The following UBASH3B variants were observed in gnomAD, a reference collection of about 807,000 sequenced individuals.
UBASH3B encodes the protein ubiquitin associated and SH3 domain containing B, also known as ubiquitin-associated and SH3 domain-containing protein B.
Under a neutral mutation model 83.4 loss-of-function variants are expected in UBASH3B, and 37 were observed. That is an observed-to-expected ratio of 0.44 (90% confidence interval 0.34 to 0.58). UBASH3B has a LOEUF of 0.58. Ranked by LOEUF, UBASH3B falls within the 20% of genes least tolerant of loss-of-function variation. The pLI is 0.01. For missense variants in UBASH3B, 657 were observed against 827.2 expected (o/e 0.79, Z 2.52); for synonymous variants, 304 against 318.3 (o/e 0.96, Z 0.48).
intron 1 of UBASH3B, among the ~76,000 whole-genome samples, chr11:122,688,504 A>G (rs1335518484): frequency 2.0e-5 from 3 of 147,292 alleles, no homozygotes; most frequent in Admixed American, 6.8e-5. Context: ...GGAGAGCAGT[A>G]GTGCAATCTC....
intron 1 of UBASH3B, among the ~76,000 whole-genome samples, chr11:122,695,590 C>CT (rs939008718): frequency 7.2e-5 from 11 of 152,040 alleles, no homozygotes; most frequent in African/African-American, 2.4e-4. Flanking sequence ...GTTTTCTTTC[C>CT]TTTTTTTTCT....
At chr11:122,769,884 T>G (rs1860613125) in intron 1 of UBASH3B, among the ~76,000 whole-genome samples, 1 of 152,236 alleles carries the variant, frequency 6.6e-6, no homozygotes, top group Non-Finnish European at 1.5e-5. Flanking sequence ...TAGGTCATCT[T>G]TTAATTGAAT....
At chr11:122,782,790 T>C (rs1312448754) in intron 4 of UBASH3B, 4 of 381,984 alleles carry the variant, frequency 1.0e-5, no homozygotes, top group African/African-American at 2.0e-5. Context: ...AGGACTTAAC[T>C]AAAAGGACTG....
Position 122,813,711 on chromosome 11 carries a change from T to C in UBASH3B, c.*3825T>C, listed in dbSNP as rs1565279442. The C allele has an allele frequency of 6.6e-6, 1 of 152,204 alleles. No homozygotes were observed. The highest frequency in any genetic ancestry group is 1.5e-5 in the Non-Finnish European group (1 of 68,028). 9.4% of individuals were successfully genotyped at this position (152,204 alleles called of 1,614,324 possible). On this transcript the variant is annotated 3_prime_UTR_variant, in exon 14 of 14. Transcript: ENST00000284273. ...GCGATTTAACATCTATTTAGGTTAATGTTCACTTTACAAAGGTGATGGGGG... is the reference window on the plus strand; with the variant it reads ...GCGATTTAACATCTATTTAGGTTAACGTTCACTTTACAAAGGTGATGGGGG...
chr11:122,747,866 GAGCTATTTAACCTTTCAA>G (rs775447568), intron 1 of UBASH3B, among the ~76,000 whole-genome samples: 16 of 152,164 alleles, frequency 1.1e-4, no homozygotes, highest in Non-Finnish European at 1.9e-4. Flanking sequence ...TCCCTTGAGT[GAGCTATTTAACCTTTCAA>G]AGCCTCTGTT....
At chr11:122,792,751 C>T (rs373892925) in intron 6 of UBASH3B, among the ~76,000 whole-genome samples, 61 of 152,324 alleles carry the variant, frequency 4.0e-4, no homozygotes, top group Middle Eastern at 3.4e-3. Flanking sequence ...TTTACTGTAA[C>T]AGGTTTCACT....
intron 1 of UBASH3B, among the ~76,000 whole-genome samples, chr11:122,730,439 C>A (rs1860823138): frequency 6.6e-6 from 1 of 152,164 alleles, no homozygotes; most frequent in South Asian, 2.1e-4. Context: ...ATTCATGTTG[C>A]CAGACCATCT....
intron 1 of UBASH3B, among the ~76,000 whole-genome samples, chr11:122,691,329 CT>C (rs1863893370): frequency 6.6e-6 from 1 of 152,216 alleles, no homozygotes; most frequent in Non-Finnish European, 1.5e-5. Context: ...TTGAAGCTGG[CT>C]TTTGTAGGTT....
chr11:122,767,266 CAAA>C (rs202221314), intron 1 of UBASH3B, among the ~76,000 whole-genome samples: 11 of 140,850 alleles, frequency 7.8e-5, no homozygotes, highest in Admixed American at 1.4e-4. Context: ...GACTCCGTCT[CAAA>C]AAAAAAAAAA....
chr11:122,663,177 A>G (rs1863469047), intron 1 of UBASH3B, among the ~76,000 whole-genome samples: 1 of 152,034 alleles, frequency 6.6e-6, no homozygotes, highest in South Asian at 2.1e-4. Flanking sequence ...TGATTTCACC[A>G]TGTTGCCCAG....
intron 1 of UBASH3B, among the ~76,000 whole-genome samples, chr11:122,746,570 A>G (rs577137704): frequency 2.3e-4 from 35 of 152,264 alleles, no homozygotes; most frequent in African/African-American, 8.2e-4. Flanking sequence ...TCTAATGGAG[A>G]AGAATGCTTC....
chr11:122,790,775 C>T (rs943773670), intron 6 of UBASH3B, among the ~76,000 whole-genome samples: 10 of 151,528 alleles, frequency 6.6e-5, no homozygotes, highest in African/African-American at 1.5e-4. Context: ...GGTGAAACCG[C>T]GTCTCTACCA....
intron 1 of UBASH3B, among the ~76,000 whole-genome samples, chr11:122,749,205 C>G (rs1312562551): frequency 6.6e-6 from 1 of 152,256 alleles, no homozygotes; most frequent in Non-Finnish European, 1.5e-5. Context: ...GAATCATGTA[C>G]TGCATGTCTT....
Position 122,801,216 on chromosome 11 carries a change from C to G in UBASH3B, c.1479C>G (p.Ile493Met). The G allele has an allele frequency of 6.2e-7, 1 of 1,614,188 alleles. No individual in the cohort carries two copies. The highest frequency in any genetic ancestry group is 8.5e-7 in the Non-Finnish European group (1 of 1,180,016). The change falls in exon 11 of 14, where the codon ATC (isoleucine) becomes ATG (methionine). Residue 493 changes from isoleucine to methionine, a missense_variant. This residue lies in a region of UBASH3B where 573 missense variants were observed against 739.0 expected (regional missense o/e 0.78). Transcript: ENST00000284273. ...KGLQQENHLK[I>M]RVEPGLFEWT... is the part of the protein sequence containing the mutation. ...TACAACAAGAAAATCACTTGAAGAT[C>G]CGTGTAGAGCCCGGCTTATTTGAGT...
chr11:122,668,551 G>A (rs1045289672), intron 1 of UBASH3B, among the ~76,000 whole-genome samples: 1 of 152,154 alleles, frequency 6.6e-6, no homozygotes, highest in Non-Finnish European at 1.5e-5. Flanking sequence ...GGGATAGACA[G>A]TAGTCTCAGT....
At chr11:122,678,638 T>C (rs751002968) in intron 1 of UBASH3B, among the ~76,000 whole-genome samples, 4 of 152,120 alleles carry the variant, frequency 2.6e-5, no homozygotes, top group African/African-American at 7.2e-5. Context: ...AGGTGTGTTT[T>C]CAGGAGCTGA....
chr11:122,699,531 C>CTTTCTTTCTTTCTTTCTTTCTTTCTT (rs200613782), intron 1 of UBASH3B, among the ~76,000 whole-genome samples: 1 of 107,866 alleles, frequency 9.3e-6, no homozygotes. Context: ...TTCTTTCTTT[C>CTTTCTTTCTTTCTTTCTTTCTTTCTT]TCTTTCTTTC....
chr11:122,775,929 A>G, intron 1 of UBASH3B: 3 of 333,040 alleles, frequency 9.0e-6, no homozygotes, highest in Non-Finnish European at 1.6e-5. Flanking sequence ...GACAACCTTT[A>G]GAGAAGCAAA....
At chr11:122,757,868 C>G (rs1861307766) in intron 1 of UBASH3B, among the ~76,000 whole-genome samples, 1 of 152,000 alleles carries the variant, frequency 6.6e-6, no homozygotes, top group Non-Finnish European at 1.5e-5. Flanking sequence ...CGCCTGCCAC[C>G]ACACCCAGCT....
Sources: allele counts gnomAD v4.1 joint callset (sites outside exome capture counted in the v4.1 genomes callset), GRCh38; gene constraint gnomAD v4.1.1; regional missense constraint gnomAD v4.1.1; transcripts MANE v1.5; gene names NCBI Gene and HGNC (gene_info 2026-07-23, HGNC 2026-07-21).